Variants in FOXC2 observed in about 807,000 individuals in gnomAD.
FOXC2 encodes the protein forkhead box protein C2.
Under a neutral mutation model 7.2 loss-of-function variants are expected in FOXC2, and 7 were observed. That is an observed-to-expected ratio of 0.97 (90% CI 0.55 to 1.81). FOXC2 has a LOEUF of 1.81. Ranked by LOEUF, FOXC2 falls within the 40% of genes most tolerant of loss-of-function variation. FOXC2 has a pLI of 0.00. For missense variants in FOXC2, 846 were observed against 741.2 expected (o/e 1.14, Z -1.64); for synonymous variants, 436 against 350.4 (o/e 1.24, Z -2.73).
rs989659413 is a variant in FOXC2, at chr16:86,566,964, C to T, written c.-372C>T. 4.6e-5 allele frequency among the ~76,000 whole-genome samples: 7 copies of T among 151,958 alleles called. No homozygotes were observed. Among genetic ancestry groups the T allele is most frequent in the African/African-American group, 1.2e-4 (5 of 41,432 alleles). On this transcript the variant is annotated 5_prime_UTR_variant, in exon 1 of 1. Transcript: ENST00000649859. This position sits in a 1 kb window ranked among gnomAD's most constrained non-coding sequence, Gnocchi z 4.3. The stretch of plus-strand genomic sequence containing the variant: ...TTGGAGAGCCTCCTGCGCCCCTCCT[C>T]GCGCGGGCCGAGGGTCCACCTGGGT...
chr16:86,568,681 A>T lies in FOXC2; in HGVS notation c.1346A>T (p.Asn449Ile). ...TFAAQQQTFP[N>I]VREMFNSHRL... ...GCGGCCCAGCAGCAAACTTTCCCCA[A>T]CGTGCGGGAGATGTTCAACTCCCAC... The change falls in exon 1 of 1, where the codon AAC becomes ATC. Residue 449 changes from asparagine (N) to isoleucine (I), a missense_variant. Around this residue, in one of 3 missense-constraint regions of FOXC2, gnomAD observed 640 missense variants for 503.2 expected, o/e 1.27. Transcript: ENST00000649859. This position sits in a 1 kb window ranked among gnomAD's most constrained non-coding sequence, Gnocchi z 5.2. The T allele has an allele frequency of 6.2e-7, 1 of 1,612,358 alleles. No individual in the cohort carries two copies. The highest frequency in any genetic ancestry group is 8.5e-7 in the Non-Finnish European group (1 of 1,179,798).
rs1974207930 is a variant in FOXC2, at chr16:86,567,252, G to A, written c.-84G>A. 4.8e-5 allele frequency: 72 copies of A among 1,514,256 alleles called. No homozygotes were observed. The highest frequency in any genetic ancestry group is 6.5e-5 in the Non-Finnish European group (72 of 1,106,506). 93.8% of individuals were successfully genotyped at this position (1,514,256 alleles called of 1,614,324 possible). A position where few individuals can be genotyped will look rare whatever the true frequency, so the allele number is the denominator to read the frequency against. ...CCTCCTCTCCCCCTCTGGCTCTCTC[G>A]CGCTCTCTCGCTCTCAGGGCCCCCC... On this transcript the variant is annotated 5_prime_UTR_variant, in exon 1 of 1. Transcript: ENST00000649859.
chr16:86,568,440 C>G lies in FOXC2; in HGVS notation c.1105C>G (p.Leu369Val), dbSNP rs1269147501. 8.7e-6 allele frequency: 12 copies of G among 1,376,504 alleles called. No individual in the cohort carries two copies. In the East Asian group the frequency reaches 3.9e-4, roughly 45 times the overall value. 85.3% of individuals were successfully genotyped at this position (1,376,504 alleles called of 1,614,324 possible). ...SDHPSGPTSP[L>V]SALNLAAGQE... ...CCACCCGAGCGGCCCCACGTCGCCC[C>G]TGAGCGCTCTCAACCTCGCCGCCGG... The change falls in exon 1 of 1, where the codon CTG (leucine) becomes GTG (valine). Residue 369 changes from leucine (L) to valine (V), a missense_variant. This residue lies in a region of FOXC2 where 640 missense variants were observed against 503.2 expected (regional missense o/e 1.27). Coordinates refer to ENST00000649859, the MANE Select transcript of FOXC2 (RefSeq NM_005251.3). This position sits in a 1 kb window ranked among gnomAD's most constrained non-coding sequence, Gnocchi z 5.2.
rs758354851 is a variant in FOXC2, at chr16:86,568,325, G to T, written c.990G>T (p.Gln330His). ...AGGCCGGGGCCGCCGGGGGCTACCAGTGCAGCATGCGAGCGATGAGCCTGT... is the reference window on the plus strand; with the variant it reads ...AGGCCGGGGCCGCCGGGGGCTACCATTGCAGCATGCGAGCGATGAGCCTGT... ...GLEAGAAGGYQCSMRAMSLYT... is the reference protein window; with the variant it reads ...GLEAGAAGGYHCSMRAMSLYT... Residue 330 changes from glutamine (Q) to histidine (H), a missense_variant, in exon 1 of 1, where the codon CAG becomes CAT. Transcript: ENST00000649859. This position sits in a 1 kb window ranked among gnomAD's most constrained non-coding sequence, Gnocchi z 5.2. 1 of 1,309,784 alleles carries T rather than the reference G, an allele frequency of 7.6e-7. No individual in the cohort carries two copies. Among genetic ancestry groups the T allele is most frequent in the Non-Finnish European group, 9.7e-7 (1 of 1,028,012 alleles). The allele number at this position is 1,309,784 out of a possible 1,614,324, so 81.1% of individuals were successfully genotyped here. A position where few individuals can be genotyped will look rare whatever the true frequency, so the allele number is the denominator to read the frequency against.
In FOXC2 at chr16:86,568,921, C is replaced by CAAAAA. The variant is rs1161804097; in HGVS notation, c.*81_*82insAAAAA. ...ACCCAACCAGACAATTAAGGGGCTGCAGAGACGCAAAAAAGAAACAAAACA... is the reference window on the plus strand; with the variant it reads ...ACCCAACCAGACAATTAAGGGGCTGCAAAAAAGAGACGCAAAAAAGAAACAAAACA... On this transcript the variant is annotated 3_prime_UTR_variant, in exon 1 of 1. Coordinates refer to ENST00000649859, the MANE Select transcript of FOXC2 (RefSeq NM_005251.3). The surrounding 1 kb of genome is among the most constrained non-coding windows in gnomAD (Gnocchi z 5.2). 1 of 1,571,996 alleles carries CAAAAA rather than the reference C, an allele frequency of 6.4e-7. No homozygotes were observed. Among genetic ancestry groups the CAAAAA allele is most frequent in the Non-Finnish European group, 8.7e-7 (1 of 1,153,808 alleles).
Position 86,568,040 on chromosome 16 carries a change from C to A in FOXC2, c.705C>A (p.Ser235Arg), listed in dbSNP as rs1974223889. ...AGGTGGAGACGCTGAGCCCCGAGAGCGCGCTGCAGGGCAGCCCGCGCAGCG... is the reference window on the plus strand; with the variant it reads ...AGGTGGAGACGCTGAGCCCCGAGAGAGCGCTGCAGGGCAGCCCGCGCAGCG... ...ITKVETLSPE[S>R]ALQGSPRSAA... Residue 235 changes from serine to arginine, a missense_variant, in exon 1 of 1, where the codon AGC (serine) becomes AGA (arginine). This residue lies in a region of FOXC2 where 640 missense variants were observed against 503.2 expected (regional missense o/e 1.27). Coordinates refer to ENST00000649859, the MANE Select transcript of FOXC2 (RefSeq NM_005251.3). This position sits in a 1 kb window ranked among gnomAD's most constrained non-coding sequence, Gnocchi z 5.2. The A allele has an allele frequency of 1.4e-6, 2 of 1,474,374 alleles. No individual in the cohort carries two copies. The highest frequency in any genetic ancestry group is 1.4e-5 in the African/African-American group (1 of 70,162). 91.3% of individuals were successfully genotyped at this position (1,474,374 alleles called of 1,614,324 possible).
Position 86,567,531 on chromosome 16 carries a change from G to A in FOXC2, c.196G>A (p.Ala66Thr). 1 of 1,614,058 alleles carries A rather than the reference G, an allele frequency of 6.2e-7. No homozygotes were observed. The highest frequency in any genetic ancestry group is 8.5e-7 in the Non-Finnish European group (1 of 1,180,000). ...YAPYHHHQPA[A>T]PKDLVKPPYS... ...GCCCTACCACCACCACCAGCCCGCGGCGCCTAAGGACCTGGTGAAGCCGCC... is the reference window on the plus strand; with the variant it reads ...GCCCTACCACCACCACCAGCCCGCGACGCCTAAGGACCTGGTGAAGCCGCC... The change falls in exon 1 of 1, where the codon GCG becomes ACG. Residue 66 changes from alanine to threonine, a missense_variant. Physicochemically the swap from Ala to Thr is moderately conservative, Grantham distance 58. Around this residue, in one of 3 missense-constraint regions of FOXC2, gnomAD observed 154 missense variants for 134.2 expected, o/e 1.15. Coordinates refer to ENST00000649859, the MANE Select transcript of FOXC2 (RefSeq NM_005251.3).
Position 86,568,466 on chromosome 16 carries a change from C to T in FOXC2, c.1131C>T (p.Gly377=), listed in dbSNP as rs1159709655. The T allele has an allele frequency of 3.6e-5, 48 of 1,327,536 alleles. No individual in the cohort carries two copies. The highest frequency in any genetic ancestry group is 4.3e-5 in the Non-Finnish European group (44 of 1,033,502). The allele number at this position is 1,327,536 out of a possible 1,614,324, so 82.2% of individuals were successfully genotyped here. A position where few individuals can be genotyped will look rare whatever the true frequency, so the allele number is the denominator to read the frequency against. The change falls in exon 1 of 1, where the codon GGC becomes GGT. Residue 377 remains glycine, a synonymous_variant. Coordinates refer to ENST00000649859, the MANE Select transcript of FOXC2 (RefSeq NM_005251.3). This position sits in a 1 kb window ranked among gnomAD's most constrained non-coding sequence, Gnocchi z 5.2. ...TGAGCGCTCTCAACCTCGCCGCCGGCCAGGAGGGCGCGCTCGCCGCCACGG... is the reference window on the plus strand; with the variant it reads ...TGAGCGCTCTCAACCTCGCCGCCGGTCAGGAGGGCGCGCTCGCCGCCACGG... The part of the protein sequence containing the change: ...SPLSALNLAA[G]QEGALAATGH...
chr16:86,569,089 A>C lies in FOXC2; in HGVS notation c.*248A>C. The C allele has an allele frequency of 1.7e-6, 1 of 599,218 alleles. No homozygotes were observed. The highest frequency in any genetic ancestry group is 3.0e-6 in the Non-Finnish European group (1 of 327,906). The allele number at this position is 599,218 out of a possible 1,614,324, so 37.1% of individuals were successfully genotyped here. A position where few individuals can be genotyped will look rare whatever the true frequency, so the allele number is the denominator to read the frequency against. On this transcript the variant is annotated 3_prime_UTR_variant, in exon 1 of 1. Coordinates refer to ENST00000649859, the MANE Select transcript of FOXC2 (RefSeq NM_005251.3). ...CCCTCCAAAGGGACGCAGCCCAACAAAATGAGTATTGATCTTAAAATCCCC... is the reference window on the plus strand; with the variant it reads ...CCCTCCAAAGGGACGCAGCCCAACACAATGAGTATTGATCTTAAAATCCCC...
At position 86,567,410 on chromosome 16, in the gene FOXC2, C is replaced by CCGGGCTG. The variant is rs765569967; in HGVS notation, c.81_87dup (p.Ser30CysfsTer41). On this transcript the variant is annotated frameshift_variant, in exon 1 of 1. Transcript: ENST00000649859. LOFTEE classifies it low-confidence loss of function (END_TRUNC). ...CCTACCTGAGCGAGCAGAATTACTA[C>CCGGGCTG]CGGGCTGCGGGCAGCTACGGCGGCA... The CCGGGCTG allele has an allele frequency of 6.2e-7, 1 of 1,613,342 alleles. No homozygotes were observed. Among genetic ancestry groups the CCGGGCTG allele is most frequent in the Non-Finnish European group, 8.5e-7 (1 of 1,179,850 alleles).
chr16:86,568,022 G>C lies in FOXC2; in HGVS notation c.687G>C (p.Glu229Asp). 6.7e-7 allele frequency: 1 copy of C among 1,482,212 alleles called. No homozygotes were observed. Among genetic ancestry groups the C allele is most frequent in the Non-Finnish European group, 8.9e-7 (1 of 1,128,834 alleles). The allele number at this position is 1,482,212 out of a possible 1,614,324, so 91.8% of individuals were successfully genotyped here. The change falls in exon 1 of 1, where the codon GAG becomes GAC. Residue 229 changes from glutamate to aspartate, a missense_variant. By Grantham distance (45) the Glu-to-Asp change is conservative. This residue lies in a region of FOXC2 where 640 missense variants were observed against 503.2 expected (regional missense o/e 1.27). Coordinates refer to ENST00000649859, the MANE Select transcript of FOXC2 (RefSeq NM_005251.3). The surrounding 1 kb of genome is among the most constrained non-coding windows in gnomAD (Gnocchi z 5.2). ...CGCTGCCGGTCATCACCAAGGTGGA[G>C]ACGCTGAGCCCCGAGAGCGCGCTGC... Reference protein sequence around the residue: ...SPALPVITKVETLSPESALQG... With the variant: ...SPALPVITKVDTLSPESALQG...
rs758381531 is a variant in FOXC2 at position 86,569,341 on chromosome 16, C to T, written c.*500C>T. The T allele has an allele frequency of 2.5e-4, 44 of 173,518 alleles. No homozygotes were observed. Among genetic ancestry groups the T allele is most frequent in the Non-Finnish European group, 4.8e-4 (34 of 71,406 alleles). The allele number at this position is 173,518 out of a possible 1,614,324, so 10.7% of individuals were successfully genotyped here. The stretch of plus-strand genomic sequence containing the variant: ...CTATTTTGTTGTTGTTGTTGTTGTT[C>T]AGAGCCATTAATATAATATTTAAAG... On this transcript the variant is annotated 3_prime_UTR_variant, in exon 1 of 1. Coordinates refer to ENST00000649859, the MANE Select transcript of FOXC2 (RefSeq NM_005251.3).
rs745779118 is a variant in FOXC2, at chr16:86,567,861, G to A, written c.526G>A (p.Glu176Lys). The stretch of plus-strand genomic sequence containing the variant: ...CTTCAAAAAGAAGGACGTGTCCAAG[G>A]AGAAGGAGGAGCGGGCCCACCTCAA... ...RRFKKKDVSK[E>K]KEERAHLKEP... Residue 176 changes from glutamate (E) to lysine (K), a missense_variant, in exon 1 of 1, where the codon GAG becomes AAG. Around this residue, in one of 3 missense-constraint regions of FOXC2, gnomAD observed 640 missense variants for 503.2 expected, o/e 1.27. Coordinates refer to ENST00000649859, the MANE Select transcript of FOXC2 (RefSeq NM_005251.3). 1.9e-6 allele frequency: 3 copies of A among 1,612,114 alleles called. No homozygotes were observed. Among genetic ancestry groups the A allele is most frequent in the South Asian group, 1.1e-5 (1 of 91,072 alleles).
Position 86,568,052 on chromosome 16 carries a change from C to A in FOXC2, c.717C>A (p.Gly239=). The change falls in exon 1 of 1, where the codon GGC becomes GGA. Residue 239 remains glycine, a synonymous_variant. Transcript: ENST00000649859. This position sits in a 1 kb window ranked among gnomAD's most constrained non-coding sequence, Gnocchi z 5.2. ...TGAGCCCCGAGAGCGCGCTGCAGGG[C>A]AGCCCGCGCAGCGCGGCCTCCACGC... The part of the protein sequence containing the change: ...ETLSPESALQ[G]SPRSAASTPA... 1 of 1,453,850 alleles carries A rather than the reference C, an allele frequency of 6.9e-7. No homozygotes were observed. The highest frequency in any genetic ancestry group is 9.0e-7 in the Non-Finnish European group (1 of 1,114,514). 90.1% of individuals were successfully genotyped at this position (1,453,850 alleles called of 1,614,324 possible). A position where few individuals can be genotyped will look rare whatever the true frequency, so the allele number is the denominator to read the frequency against.
rs1368283630 is a variant in FOXC2 at position 86,568,238 on chromosome 16, G to T, written c.903G>T (p.Leu301=). The change falls in exon 1 of 1, where the codon CTG becomes CTT. Residue 301 remains leucine (L), a synonymous_variant. Coordinates refer to ENST00000649859, the MANE Select transcript of FOXC2 (RefSeq NM_005251.3). The surrounding 1 kb of genome is among the most constrained non-coding windows in gnomAD (Gnocchi z 5.2). ...GCGCGGGCCTGGTGGTGCCGCCGCT[G>T]GCGCTGCCCTACGCCGCCGCGCCGC... ...AGRAGLVVPP[L]ALPYAAAPPA... is the part of the protein sequence containing the mutation. The T allele has an allele frequency of 2.4e-6, 3 of 1,271,972 alleles. No homozygotes were observed. The highest frequency in any genetic ancestry group is 3.0e-6 in the Non-Finnish European group (3 of 1,013,870). 78.8% of individuals were successfully genotyped at this position (1,271,972 alleles called of 1,614,324 possible). A position where few individuals can be genotyped will look rare whatever the true frequency, so the allele number is the denominator to read the frequency against.
At position 86,568,312 on chromosome 16, in the gene FOXC2, C is replaced by T; in HGVS notation, c.977C>T (p.Ala326Val). Residue 326 changes from alanine to valine, a missense_variant, in exon 1 of 1, where the codon GCC becomes GTC. By Grantham distance (64) the Ala-to-Val change is moderately conservative. This residue lies in a region of FOXC2 where 640 missense variants were observed against 503.2 expected (regional missense o/e 1.27). Coordinates refer to ENST00000649859, the MANE Select transcript of FOXC2 (RefSeq NM_005251.3). The surrounding 1 kb of genome is among the most constrained non-coding windows in gnomAD (Gnocchi z 5.2). ...GCTCAGGGCCTGGAGGCCGGGGCCG[C>T]CGGGGGCTACCAGTGCAGCATGCGA... ...PCAQGLEAGA[A>V]GGYQCSMRAM... is the part of the protein sequence containing the mutation. The T allele has an allele frequency of 2.3e-6, 3 of 1,278,060 alleles. No homozygotes were observed. Among genetic ancestry groups the T allele is most frequent in the Non-Finnish European group, 3.0e-6 (3 of 1,012,508 alleles). 79.2% of individuals were successfully genotyped at this position (1,278,060 alleles called of 1,614,324 possible).
Position 86,567,331 on chromosome 16 carries a change from G to A in FOXC2, c.-5G>A, listed in dbSNP as rs1974209779. ...AGGGCGCCGGCGAGCCGTCTCGGAA[G>A]CAGCATGCAGGCGCGCTACTCCGTG... On this transcript the variant is annotated 5_prime_UTR_variant, in exon 1 of 1. Transcript: ENST00000649859. 1 of 1,612,560 alleles carries A rather than the reference G, an allele frequency of 6.2e-7. No individual in the cohort carries two copies. The highest frequency in any genetic ancestry group is 1.3e-5 in the African/African-American group (1 of 74,918).
Position 86,568,443 on chromosome 16 carries a change from A to T in FOXC2, c.1108A>T (p.Ser370Cys). The change falls in exon 1 of 1, where the codon AGC (serine) becomes TGC (cysteine). Residue 370 changes from serine (S) to cysteine (C), a missense_variant. Transcript: ENST00000649859. This position sits in a 1 kb window ranked among gnomAD's most constrained non-coding sequence, Gnocchi z 5.2. ...DHPSGPTSPL[S>C]ALNLAAGQEG... The stretch of plus-strand genomic sequence containing the variant: ...CCCGAGCGGCCCCACGTCGCCCCTG[A>T]GCGCTCTCAACCTCGCCGCCGGCCA... The T allele has an allele frequency of 7.3e-7, 1 of 1,371,588 alleles. No individual in the cohort carries two copies. 85.0% of individuals were successfully genotyped at this position (1,371,588 alleles called of 1,614,324 possible). A position where few individuals can be genotyped will look rare whatever the true frequency, so the allele number is the denominator to read the frequency against.
At position 86,568,687 on chromosome 16, in the gene FOXC2, G is replaced by C. The variant is rs530376696; in HGVS notation, c.1352G>C (p.Arg451Pro). Residue 451 changes from arginine (R) to proline (P), a missense_variant, in exon 1 of 1, where the codon CGG becomes CCG. By Grantham distance (103) the Arg-to-Pro change is moderately radical (BLOSUM62 -2). Coordinates refer to ENST00000649859, the MANE Select transcript of FOXC2 (RefSeq NM_005251.3). The surrounding 1 kb of genome is among the most constrained non-coding windows in gnomAD (Gnocchi z 5.2). The stretch of plus-strand genomic sequence containing the variant: ...CAGCAGCAAACTTTCCCCAACGTGC[G>C]GGAGATGTTCAACTCCCACCGGCTG... Reference protein sequence around the residue: ...AAQQQTFPNVREMFNSHRLGI... With the variant: ...AAQQQTFPNVPEMFNSHRLGI... 4.7e-5 allele frequency: 76 copies of C among 1,612,694 alleles called. No homozygotes were observed. Among genetic ancestry groups the C allele is most frequent in the Non-Finnish European group, 6.4e-5 (75 of 1,179,994 alleles).
Sources: gnomAD v4.1 joint callset for allele counts (sites outside exome capture counted in the v4.1 genomes callset) on GRCh38, gnomAD v4.1.1 for gene constraint, gnomAD v4.1.1 regional missense constraint, Gnocchi (gnomAD v3.1) non-coding constraint, MANE v1.5 for transcripts, NCBI Gene and HGNC (gene_info 2026-07-23, HGNC 2026-07-21) for gene names.